Variants in ATRNL1 observed in about 807,000 individuals in gnomAD.
ATRNL1 encodes the protein attractin like 1.
A neutral mutation model predicts 182.7 loss-of-function variants in ATRNL1; 95 were observed. The ratio of observed to expected loss-of-function variants is 0.52; its 90% CI spans 0.44 to 0.62. The LOEUF is 0.62. Ranked by LOEUF, ATRNL1 falls within the 20% of genes least tolerant of loss-of-function variation. The pLI is 0.00. For missense variants in ATRNL1, 1,471 were observed against 1,679.5 expected, an observed-to-expected ratio of 0.88 and a Z score of 2.17; for synonymous variants, 576 against 568.3, an observed-to-expected ratio of 1.01 and a Z score of -0.19.
intron 28 of ATRNL1, among the ~76,000 whole-genome samples, chr10:115,875,555 A>G (rs982928530): frequency 1.3e-5 from 2 of 152,242 alleles, no homozygotes; most frequent in Non-Finnish European, 2.9e-5. Flanking sequence ...TGAAATGAGG[A>G]TAGAGATTCA....
rs576226872 is a variant in ATRNL1 at position 115,353,407 on chromosome 10, T to A, written c.3175+18988T>A. Among the ~76,000 whole-genome samples, 6 of 152,344 alleles carry A rather than the reference T, an allele frequency of 3.9e-5. No homozygotes were observed. The East Asian group carries it at 1.2e-3, about 29-fold the overall frequency. ...AGCTATTCTTGTTTTTTGTTTCCAT[T>A]TGCATGGAATATTTCATTTCATTTC... On this transcript the variant is annotated intron_variant, in intron 19 of 28. Coordinates refer to ENST00000355044, the MANE Select transcript of ATRNL1 (RefSeq NM_207303.4).
At chr10:115,588,208 T>TCTCATCCCTC (rs1344148562) in intron 26 of ATRNL1, among the ~76,000 whole-genome samples, 1 of 152,118 alleles carries the variant, frequency 6.6e-6, no homozygotes, top group Non-Finnish European at 1.5e-5. Flanking sequence ...TGTCCTCCCT[T>TCTCATCCCTC]CTCATCCCTC....
At chr10:115,500,732 G>T (rs1554979911) in intron 24 of ATRNL1, among the ~76,000 whole-genome samples, 2 of 151,310 alleles carry the variant, frequency 1.3e-5, no homozygotes, top group African/African-American at 4.9e-5. Flanking sequence ...GTGGAGATGG[G>T]GTTTCTCCAT....
chr10:115,244,061 G>A (rs915996952), intron 10 of ATRNL1, among the ~76,000 whole-genome samples: 2 of 152,092 alleles, frequency 1.3e-5, no homozygotes, highest in South Asian at 4.1e-4. Flanking sequence ...GTATGTTTTT[G>A]TGGAAATAGA....
intron 26 of ATRNL1, among the ~76,000 whole-genome samples, chr10:115,611,735 T>C (rs1857168424): frequency 6.6e-6 from 1 of 152,156 alleles, no homozygotes; most frequent in Non-Finnish European, 1.5e-5. Flanking sequence ...CTTTGAAACA[T>C]AATTTATAAT....
At chr10:115,756,734 G>A (rs187258207) in intron 27 of ATRNL1, among the ~76,000 whole-genome samples, 3 of 152,022 alleles carry the variant, frequency 2.0e-5, no homozygotes, top group Admixed American at 6.6e-5. Context: ...TATCTGTCTC[G>A]TTGATCTGTC....
intron 28 of ATRNL1, among the ~76,000 whole-genome samples, chr10:115,848,441 C>T (rs1371492456): frequency 1.3e-5 from 2 of 152,162 alleles, no homozygotes; most frequent in Non-Finnish European, 2.9e-5. Flanking sequence ...CGTTGAGTGG[C>T]ATCAGAGGAT....
At chr10:115,454,068 T>A (rs1847408537) in intron 21 of ATRNL1, among the ~76,000 whole-genome samples, 1 of 152,170 alleles carries the variant, frequency 6.6e-6, no homozygotes, top group Admixed American at 6.6e-5. Context: ...TAATCCACTT[T>A]GAATTGATTT....
At chr10:115,486,264 A>T (rs1370722180) in intron 24 of ATRNL1, among the ~76,000 whole-genome samples, 1 of 152,156 alleles carries the variant, frequency 6.6e-6, no homozygotes, top group Non-Finnish European at 1.5e-5. Context: ...TATACCCAGT[A>T]ATGAGATTGC....
At chr10:115,736,674 T>C (rs2960653) in intron 27 of ATRNL1, among the ~76,000 whole-genome samples, 149,173 of 152,230 alleles carry the variant, frequency 0.98, 73,151 homozygotes, top group Middle Eastern at 1. Flanking sequence ...AGGATTGCTT[T>C]TGCCAAAAAC....
At chr10:115,940,675 CTCTCTCTCTCTCTCTCTCTCTCT>C (rs146821542) in intron 28 of ATRNL1, among the ~76,000 whole-genome samples, 2,057 of 88,878 alleles carry the variant, frequency 0.023, 45 homozygotes, top group African/African-American at 0.14. Flanking sequence ...AGAGATTACT[CTCTCTCTCTCTCTCTCTCTCTCT>C]TCTCTCTCTC....
intron 24 of ATRNL1, among the ~76,000 whole-genome samples, chr10:115,500,992 G>T (rs1212060235): frequency 7.1e-6 from 1 of 141,006 alleles, no homozygotes; most frequent in Non-Finnish European, 1.5e-5. Context: ...GCAATGGTGC[G>T]AGCTCCACTT....
intron 27 of ATRNL1, among the ~76,000 whole-genome samples, chr10:115,841,064 A>AT (rs1262511201): frequency 6.6e-6 from 1 of 152,160 alleles, no homozygotes; most frequent in East Asian, 1.9e-4. Flanking sequence ...TTTAATAGAA[A>AT]TCTATTTTAA....
chr10:115,621,424 G>T (rs1040001424), intron 26 of ATRNL1, among the ~76,000 whole-genome samples: 5 of 151,570 alleles, frequency 3.3e-5, no homozygotes, highest in African/African-American at 9.7e-5. Flanking sequence ...CCTTCAGCAT[G>T]CTGAGTAACT....
At chr10:115,759,467 A>C (rs1948676966) in intron 27 of ATRNL1, among the ~76,000 whole-genome samples, 1 of 152,212 alleles carries the variant, frequency 6.6e-6, no homozygotes, top group African/African-American at 2.4e-5. Context: ...TCTCCTACCC[A>C]TATTGTCAGA....
intron 26 of ATRNL1, among the ~76,000 whole-genome samples, chr10:115,614,834 G>A (rs1581907): frequency 0.97 from 147,560 of 152,252 alleles, 71,707 homozygotes; most frequent in East Asian, 1. Flanking sequence ...ATATAAGTAT[G>A]GTACTCCTGC....
At chr10:115,851,921 C>G (rs1255349533) in intron 28 of ATRNL1, among the ~76,000 whole-genome samples, 1 of 152,116 alleles carries the variant, frequency 6.6e-6, no homozygotes, top group African/African-American at 2.4e-5. Context: ...ACTTAACAAC[C>G]AAGCATGTCT....
chr10:115,875,583 T>C (rs1302698091), intron 28 of ATRNL1, among the ~76,000 whole-genome samples: 1 of 152,326 alleles, frequency 6.6e-6, no homozygotes, highest in East Asian at 1.9e-4. Flanking sequence ...AAGTAGTCCA[T>C]TCATTAATGA....
intron 27 of ATRNL1, among the ~76,000 whole-genome samples, chr10:115,731,577 TGTATG>T (rs2134072760): frequency 6.6e-6 from 1 of 151,314 alleles, no homozygotes; most frequent in Admixed American, 6.6e-5. Context: ...TAGTTATTAA[TGTATG>T]GTATTTTTAT....
Sources: gnomAD v4.1 joint callset for allele counts (sites outside exome capture counted in the v4.1 genomes callset) on GRCh38, gnomAD v4.1.1 for gene constraint, MANE v1.5 for transcripts, NCBI Gene and HGNC (gene_info 2026-07-23, HGNC 2026-07-21) for gene names.